Variants in F5 observed in about 807,000 individuals in gnomAD.
The protein encoded by F5 is coagulation factor V, also known as activated protein c cofactor.
In F5, 138 loss-of-function variants were observed where a neutral mutation model predicts 216.4. That is an observed-to-expected ratio of 0.64 (90% CI 0.56 to 0.73). F5 has a LOEUF of 0.73. Among genes scored for constraint, F5 ranks in the 30% least tolerant of loss-of-function variants. The probability of loss-of-function intolerance (pLI) is 0.00; values close to 1 mark genes in which losing one functional copy is unlikely to be tolerated. For synonymous variants in F5, 916 were observed against 930.7 expected, an observed-to-expected ratio of 0.98 and a Z score of 0.29; for missense variants, 2,403 against 2,674.0, an observed-to-expected ratio of 0.90 and a Z score of 2.24.
intron 22 of F5, among the ~76,000 whole-genome samples, chr1:169,518,979 A>T (rs1296193130): frequency 6.6e-6 from 1 of 152,230 alleles, no homozygotes; most frequent in Admixed American, 6.5e-5. Context: ...TTCTTCTAAC[A>T]AAAGCTACCA....
At position 169,513,340 on chromosome 1, in the gene F5, G is replaced by T. The variant is rs1659076989; in HGVS notation, c.*973C>A. On this transcript the variant is annotated 3_prime_UTR_variant, in exon 25 of 25. Transcript: ENST00000367797. ...GTCTATCTCATGTGATTTTAAGGAT[G>T]TCTAAAGGTTCCCCAGTTGTGCAAT... Among the ~76,000 whole-genome samples the T allele has an allele frequency of 1.3e-5, 2 of 151,968 alleles. No homozygotes were observed. The highest frequency in any genetic ancestry group is 2.4e-5 in the African/African-American group (1 of 41,380).
chr1:169,528,228 G>T, intron 16 of F5, 134 bp from the exon 17 acceptor site: 1 of 1,062,916 alleles, frequency 9.4e-7, no homozygotes. Flanking sequence ...CCTAGCCATG[G>T]AAAGGGCCCT....
rs115760677 is a variant in F5, at chr1:169,531,120, C to A, written c.4972-98G>T. 1,057 of 878,566 alleles carry A rather than the reference C, an allele frequency of 1.2e-3. 9 individuals are homozygous for A. The African/African-American group carries it at 0.015, about 13-fold the overall frequency. 54.4% of individuals were successfully genotyped at this position (878,566 alleles called of 1,614,324 possible). A position where few individuals can be genotyped will look rare whatever the true frequency, so the allele number is the denominator to read the frequency against. ...AAGTCAAAATGGCTGGTTATAAAATCGGAGCTAAGATATAAGGTACAAAAT... is the reference window on the plus strand; with the variant it reads ...AAGTCAAAATGGCTGGTTATAAAATAGGAGCTAAGATATAAGGTACAAAAT... On this transcript the variant is annotated intron_variant, in intron 14 of 24. Coordinates refer to ENST00000367797, the MANE Select transcript of F5 (RefSeq NM_000130.5).
At position 169,541,731 on chromosome 1, in the gene F5, G is replaced by A. The variant is rs764100520; in HGVS notation, c.3359C>T (p.Thr1120Ile). Residue 1120 changes from threonine to isoleucine, a missense_variant, in exon 13 of 25, where the codon ACA becomes ATA. Physicochemically the swap from Thr to Ile is moderately conservative, Grantham distance 89. Transcript: ENST00000367797. ...QASCPPGLYQ[T>I]VPPEEHYQTF... ...TTGATAGTGTTCCTCTGGGGGCACT[G>A]TCTGATAAAGACCTGGAGGACAGCT... is the stretch of plus-strand genomic sequence containing the variant. The A allele has an allele frequency of 1.5e-5, 25 of 1,613,888 alleles. No homozygotes were observed. Among genetic ancestry groups the A allele is most frequent in the Non-Finnish European group, 1.9e-5 (22 of 1,179,968 alleles).
At chr1:169,538,356 C>G (rs1471308976) in intron 13 of F5, among the ~76,000 whole-genome samples, 1 of 151,944 alleles carries the variant, frequency 6.6e-6, no homozygotes, top group East Asian at 1.9e-4. Flanking sequence ...AGAAAATGGT[C>G]AAAAGATAAA....
In F5 at chr1:169,540,400, G is replaced by A. The variant is rs769506946; in HGVS notation, c.4690C>T (p.Pro1564Ser). ...AGGTACCATGCTGCAATGTTGTCAG[G>A]ATCTCTGGAGGAGTTGATGTTTGTC... ...VRTNINSSRDPDNIAAWYLRS... is the reference protein window; with the variant it reads ...VRTNINSSRDSDNIAAWYLRS... The change falls in exon 13 of 25, where the codon CCT becomes TCT. Residue 1564 changes from proline to serine, a missense_variant. Around this residue, in one of 4 missense-constraint regions of F5, gnomAD observed 293 missense variants for 270.8 expected, o/e 1.08. Transcript: ENST00000367797. 8.1e-6 allele frequency: 13 copies of A among 1,614,012 alleles called. No homozygotes were observed. The highest frequency in any genetic ancestry group is 1.1e-5 in the Non-Finnish European group (13 of 1,179,938).
chr1:169,531,027 G>A lies in F5; in HGVS notation c.4972-5C>T. On this transcript the variant is annotated splice_polypyrimidine_tract_variant and splice_region_variant and intron_variant, in intron 14 of 24. Coordinates refer to ENST00000367797, the MANE Select transcript of F5 (RefSeq NM_000130.5). ...TGCTAAATTTTTAAAACGAACCTAGGAAAAGGAATGATCCACAAATGTACT... is the reference window on the plus strand; with the variant it reads ...TGCTAAATTTTTAAAACGAACCTAGAAAAAGGAATGATCCACAAATGTACT... 6.3e-7 allele frequency: 1 copy of A among 1,597,436 alleles called. No individual in the cohort carries two copies. The highest frequency in any genetic ancestry group is 8.6e-7 in the Non-Finnish European group (1 of 1,167,814).
chr1:169,554,874 A>G (rs929189488), intron 7 of F5, among the ~76,000 whole-genome samples: 9 of 152,232 alleles, frequency 5.9e-5, no homozygotes, highest in Non-Finnish European at 1.3e-4. Flanking sequence ...CCTCATCTAT[A>G]AAAAGAAATA....
At chr1:169,532,904 G>T (rs944542326) in intron 14 of F5, among the ~76,000 whole-genome samples, 6 of 152,110 alleles carry the variant, frequency 3.9e-5, no homozygotes, top group African/African-American at 1.4e-4. Context: ...AATCAAAAAA[G>T]AGCCTGAATA....
Position 169,530,964 on chromosome 1 carries a change from T to C in F5, c.5030A>G (p.Tyr1677Cys), listed in dbSNP as rs752431648. The change falls in exon 15 of 25, where the codon TAT (tyrosine) becomes TGT (cysteine). Residue 1677 changes from tyrosine (Y) to cysteine (C), a missense_variant. Physicochemically the swap from Tyr to Cys is radical, Grantham distance 194 (BLOSUM62 -2). This residue lies in a region of F5 where 659 missense variants were observed against 787.9 expected (regional missense o/e 0.84). Transcript: ENST00000367797. Reference protein sequence around the residue: ...PYSLHAHGLSYEKSSEGKTYE... With the variant: ...PYSLHAHGLSCEKSSEGKTYE... The stretch of plus-strand genomic sequence containing the variant: ...AGTCTTTCCCTCTGATGATTTTTCA[T>C]AGGAAAGTCCATGGGCATGTAGAGA... The C allele has an allele frequency of 6.8e-6, 11 of 1,613,892 alleles. No homozygotes were observed. Among genetic ancestry groups the C allele is most frequent in the East Asian group, 4.5e-5 (2 of 44,878 alleles).
intron 2 of F5, among the ~76,000 whole-genome samples, chr1:169,580,932 T>G (rs1660972359): frequency 6.6e-6 from 1 of 152,190 alleles, no homozygotes; most frequent in African/African-American, 2.4e-5. Context: ...TTAACTCAAT[T>G]GATCCTCTTA....
chr1:169,542,072 A>T lies in F5; in HGVS notation c.3018T>A (p.His1006Gln), dbSNP rs770798162. The T allele has an allele frequency of 6.2e-7, 1 of 1,613,904 alleles. No homozygotes were observed. Among genetic ancestry groups the T allele is most frequent in the Admixed American group, 1.7e-5 (1 of 60,000 alleles). The change falls in exon 13 of 25, where the codon CAT becomes CAA. Residue 1006 changes from histidine to glutamine, a missense_variant. Transcript: ENST00000367797. ...SGHPKFPRVR[H>Q]KSLQVRQDGG... Reference sequence around the variant, plus strand: ...CATCCTGTCTTACTTGTAGAGATTTATGTCTAACTCTAGGAAACTTTGGGT... The same window carrying T: ...CATCCTGTCTTACTTGTAGAGATTTTTGTCTAACTCTAGGAAACTTTGGGT...
rs368119979 is a variant in F5 at position 169,543,099 on chromosome 1, G to A, written c.1991C>T (p.Thr664Ile). Residue 664 changes from threonine (T) to isoleucine (I), a missense_variant, in exon 13 of 25, where the codon ACT becomes ATT. This residue lies in a region of F5 where 1,425 missense variants were observed against 1,554.8 expected (regional missense o/e 0.92). Transcript: ENST00000367797. ...GCTTCTTGGACTAGAATTCATGGAAGTTAACATCCAAGTTCCTACAGAAGA... is the reference window on the plus strand; with the variant it reads ...GCTTCTTGGACTAGAATTCATGGAAATTAACATCCAAGTTCCTACAGAAGA... Reference protein sequence around the residue: ...TMDNVGTWMLTSMNSSPRSKK... With the variant: ...TMDNVGTWMLISMNSSPRSKK... 39 of 1,613,482 alleles carry A rather than the reference G, an allele frequency of 2.4e-5. No individual in the cohort carries two copies. Among genetic ancestry groups the A allele is most frequent in the Non-Finnish European group, 3.3e-5 (39 of 1,179,864 alleles).
chr1:169,565,581 C>T (rs73035543), intron 3 of F5, among the ~76,000 whole-genome samples: 4,272 of 152,114 alleles, frequency 0.028, 206 homozygotes, highest in African/African-American at 0.095. Context: ...ATTAAACATC[C>T]GGAGAAATTA....
At chr1:169,574,492 T>C (rs1361378578) in intron 2 of F5, among the ~76,000 whole-genome samples, 2 of 152,200 alleles carry the variant, frequency 1.3e-5, no homozygotes, top group Non-Finnish European at 2.9e-5. Context: ...TGTCATGGGA[T>C]TGGCTTCTCG....
At chr1:169,567,549 T>C (rs561868875) in intron 3 of F5, among the ~76,000 whole-genome samples, 10 of 152,052 alleles carry the variant, frequency 6.6e-5, no homozygotes, top group Non-Finnish European at 1.5e-4. Flanking sequence ...GTACTTTTTT[T>C]TTTTTTTTTT....
At chr1:169,550,259 TCCTAATGCTATCCCTC>T (rs971912973) in intron 9 of F5, among the ~76,000 whole-genome samples, 4 of 143,918 alleles carry the variant, frequency 2.8e-5, no homozygotes, top group Admixed American at 1.4e-4. Flanking sequence ...TAGGTATATC[TCCTAATGCTATCCCTC>T]CCCCCGCCCC....
chr1:169,542,611 G>C lies in F5; in HGVS notation c.2479C>G (p.His827Asp). ...GGGTCTTCAGAATATGGGCTGGAAT[G>C]CTCTGCTGTGGAAGAATTGAGAACT... The part of the protein sequence containing the change: ...NSVLNSSTAE[H>D]SSPYSEDPIE... Residue 827 changes from histidine to aspartate, a missense_variant, in exon 13 of 25, where the codon CAT becomes GAT. Around this residue, in one of 4 missense-constraint regions of F5, gnomAD observed 1,425 missense variants for 1,554.8 expected, o/e 0.92. Coordinates refer to ENST00000367797, the MANE Select transcript of F5 (RefSeq NM_000130.5). 6.2e-7 allele frequency: 1 copy of C among 1,614,106 alleles called. No homozygotes were observed. The highest frequency in any genetic ancestry group is 8.5e-7 in the Non-Finnish European group (1 of 1,179,992).
chr1:169,523,719 G>T, intron 20 of F5, 82 bp downstream of exon 20: 2 of 1,248,092 alleles, frequency 1.6e-6, no homozygotes, highest in South Asian at 1.2e-5. Flanking sequence ...AACATTGCAA[G>T]AACAATAACA....
Sources: allele counts gnomAD v4.1 joint callset (sites outside exome capture counted in the v4.1 genomes callset), GRCh38; gene constraint gnomAD v4.1.1; regional missense constraint gnomAD v4.1.1; transcripts MANE v1.5; gene names NCBI Gene and HGNC (gene_info 2026-07-23, HGNC 2026-07-21).